AKR1C3: variants seen among roughly 807,000 people sequenced by gnomAD.
The protein encoded by AKR1C3 is 3-alpha hydroxysteroid dehydrogenase, type II.
A neutral mutation model predicts 43.6 loss-of-function variants in AKR1C3; 48 were observed. That is an observed-to-expected ratio of 1.10 (90% CI 0.87 to 1.40). AKR1C3 has a LOEUF of 1.40. Among genes scored for constraint, AKR1C3 ranks in the 40% most tolerant of loss-of-function variants. AKR1C3 has a pLI of 0.00. For synonymous variants in AKR1C3, 162 were observed against 139.6 expected (o/e 1.16, Z -1.13); for missense variants, 482 against 391.2 (o/e 1.23, Z -1.96).
chr10:5,104,544 ATAATATCT>A (rs1839451122), intron 7 of AKR1C3, among the ~76,000 whole-genome samples: 1 of 151,996 alleles, frequency 6.6e-6, no homozygotes, highest in South Asian at 2.1e-4. Flanking sequence ...ATTTTATTTG[ATAATATCT>A]TGATTATTCT....
intron 1 of AKR1C3, chr10:5,077,619 G>A (rs1157860962): frequency 3.7e-5 from 38 of 1,025,776 alleles, no homozygotes; most frequent in Non-Finnish European, 4.3e-5. Flanking sequence ...TTGCTTGCCT[G>A]TCTGGGCAAG....
intron 7 of AKR1C3, among the ~76,000 whole-genome samples, chr10:5,103,752 A>C (rs1312868175): frequency 6.6e-6 from 1 of 152,174 alleles, no homozygotes; most frequent in African/African-American, 2.4e-5. Context: ...CTTCTGGCAA[A>C]TATTACCCAC....
intron 1 of AKR1C3, among the ~76,000 whole-genome samples, chr10:5,065,213 TAAAAC>T (rs146755011): frequency 0.041 from 6,218 of 152,204 alleles, 406 homozygotes; most frequent in African/African-American, 0.14. Context: ...TCAAAGAACT[TAAAAC>T]AAAATTACTA....
chr10:5,060,724 G>T (rs116104694), intron 1 of AKR1C3, among the ~76,000 whole-genome samples: 2 of 152,186 alleles, frequency 1.3e-5, no homozygotes, highest in Non-Finnish European at 2.9e-5. Flanking sequence ...GGGACTTGGC[G>T]CTGTGGAGCA....
chr10:5,059,791 C>T (rs1452591980), intron 1 of AKR1C3, among the ~76,000 whole-genome samples: 4 of 151,902 alleles, frequency 2.6e-5, no homozygotes, highest in Middle Eastern at 3.4e-3. Flanking sequence ...CACCCCTCGG[C>T]GATAGTCTCA....
intron 6 of AKR1C3, 115 bp from the exon 7 acceptor site, chr10:5,102,370 C>G (rs1839377997): frequency 1.9e-6 from 3 of 1,590,068 alleles, no homozygotes; most frequent in South Asian, 2.2e-5. Context: ...TGGTGATGCT[C>G]GGGGGCCTCG....
rs1838983526 is a variant in AKR1C3, at chr10:5,087,110, A to G, written c.85-9300A>G. On this transcript the variant is annotated intron_variant, in intron 1 of 8. Coordinates refer to the AKR1C3 transcript ENST00000439082. ...TATGTGTGAATTTGATCCTGTCATTATGATGTTAGCTGGTTATTTTGCTCG... is the reference window on the plus strand; with the variant it reads ...TATGTGTGAATTTGATCCTGTCATTGTGATGTTAGCTGGTTATTTTGCTCG... Among the ~76,000 whole-genome samples the G allele has an allele frequency of 2.0e-5, 3 of 152,248 alleles. No homozygotes were observed. The South Asian group carries it at 6.2e-4, about 32-fold the overall frequency.
intron 1 of AKR1C3, among the ~76,000 whole-genome samples, chr10:5,086,968 G>A (rs1215482542): frequency 6.6e-6 from 1 of 152,102 alleles, no homozygotes; most frequent in Non-Finnish European, 1.5e-5. Context: ...GCCTATGTGT[G>A]TCTCTGCATG....
rs556187295 is a variant in AKR1C3 at position 5,097,817 on chromosome 10, G to C, written c.369+267G>C. The C allele has an allele frequency of 3.4e-6, 4 of 1,189,998 alleles. No homozygotes were observed. The African/African-American group carries it at 6.4e-5, about 19-fold the overall frequency. 73.7% of individuals were successfully genotyped at this position (1,189,998 alleles called of 1,614,324 possible). A position where few individuals can be genotyped will look rare whatever the true frequency, so the allele number is the denominator to read the frequency against. On this transcript the variant is annotated intron_variant, in intron 3 of 8. Coordinates refer to ENST00000380554, the MANE Select transcript of AKR1C3 (RefSeq NM_003739.6). The stretch of plus-strand genomic sequence containing the variant: ...TTACAATAGTCTCTTTCAAGGCACT[G>C]TCTTAGTTGTGGCTTTTGAGTCCAT...
intron 1 of AKR1C3, among the ~76,000 whole-genome samples, chr10:5,095,896 G>C (rs534447018): frequency 4.7e-4 from 72 of 152,178 alleles, no homozygotes; most frequent in African/African-American, 1.6e-3. Flanking sequence ...TTTCCCAAGT[G>C]AACCCTAGTT....
At chr10:5,068,108 T>C (rs1348185824) in intron 1 of AKR1C3, among the ~76,000 whole-genome samples, 2 of 152,228 alleles carry the variant, frequency 1.3e-5, no homozygotes, top group Non-Finnish European at 2.9e-5. Context: ...ATTTTTTTGT[T>C]CTACTTGGAT....
chr10:5,075,467 A>G (rs1838697724), intron 1 of AKR1C3, among the ~76,000 whole-genome samples: 1 of 58,138 alleles, frequency 1.7e-5, no homozygotes, highest in Admixed American at 1.8e-4. Flanking sequence ...AGGAAATGTC[A>G]TAAATAAGTT....
rs782728398 is a variant in AKR1C3, at chr10:5,094,434, A to G, written c.-11A>G. The G allele has an allele frequency of 1.2e-6, 2 of 1,609,000 alleles. No homozygotes were observed. Among genetic ancestry groups the G allele is most frequent in the Non-Finnish European group, 1.7e-6 (2 of 1,175,618 alleles). ...GCAGCAAACATTTGCTAGTCAGACA[A>G]GTGACAGGGAATGGATTCCAAACAC... On this transcript the variant is annotated 5_prime_UTR_variant, in exon 1 of 9. Transcript: ENST00000380554.
At chr10:5,057,699 T>C (rs1363175277) in intron 1 of AKR1C3, among the ~76,000 whole-genome samples, 2 of 152,184 alleles carry the variant, frequency 1.3e-5, no homozygotes, top group Admixed American at 1.3e-4. Context: ...GTCCCCATGA[T>C]CTGAGTCAAG....
intron 1 of AKR1C3, chr10:5,048,944 A>G (rs781951216): frequency 1.3e-6 from 2 of 1,501,100 alleles, no homozygotes; most frequent in Admixed American, 1.7e-5. Context: ...CAAAGCCAGA[A>G]TAAGTGGAAG....
At chr10:5,063,096 CA>C (rs1838415703) in intron 1 of AKR1C3, among the ~76,000 whole-genome samples, 1 of 152,026 alleles carries the variant, frequency 6.6e-6, no homozygotes, top group Admixed American at 6.6e-5. Flanking sequence ...GAATAGGTGG[CA>C]AAATATGAAA....
intron 1 of AKR1C3, among the ~76,000 whole-genome samples, chr10:5,064,882 C>T (rs1263234200): frequency 7.0e-6 from 1 of 143,042 alleles, no homozygotes; most frequent in East Asian, 2.0e-4. Flanking sequence ...CTGATGAGTT[C>T]CAATATCCAG....
At chr10:5,078,579 G>A (rs1838765766) in intron 1 of AKR1C3, among the ~76,000 whole-genome samples, 1 of 152,186 alleles carries the variant, frequency 6.6e-6, no homozygotes, top group African/African-American at 2.4e-5. Context: ...TGCAAGGCAG[G>A]TCATCAGCAA....
rs184654323 is a variant in AKR1C3 at position 5,074,303 on chromosome 10, A to T, written c.85-22107A>T. On this transcript the variant is annotated intron_variant, in intron 1 of 8. Coordinates refer to the AKR1C3 transcript ENST00000439082. ...AATATTGGCAAAATAAACTCTCTAT[A>T]TTAACTGAGACCTCTCTCAGATTTT... Among the ~76,000 whole-genome samples, 29 of 152,308 alleles carry T rather than the reference A, an allele frequency of 1.9e-4. 1 individual carries two copies. In the East Asian group the frequency reaches 5.4e-3, roughly 28 times the overall value.
Sources: gnomAD v4.1 joint callset for allele counts (sites outside exome capture counted in the v4.1 genomes callset) on GRCh38, gnomAD v4.1.1 for gene constraint, MANE v1.5 for transcripts, NCBI Gene and HGNC (gene_info 2026-07-23, HGNC 2026-07-21) for gene names.